Variants in DMD observed in about 807,000 individuals in gnomAD.
DMD encodes mutant dystrophin.
In DMD, 63 loss-of-function variants were observed where a neutral mutation model predicts 330.1. That is an observed-to-expected ratio of 0.19 (90% CI 0.16 to 0.24). DMD has a LOEUF of 0.24. Among genes scored for constraint, DMD ranks in the 10% least tolerant of loss-of-function variants. DMD has a pLI of 1.00. For missense variants in DMD, 3,344 were observed against 2,684.1 expected (o/e 1.25, Z -5.43); for synonymous variants, 1,223 against 959.8 (o/e 1.27, Z -5.07).
At chrX:32,359,580 C>A (rs906675642) in intron 37 of DMD, among the ~76,000 whole-genome samples, 2 of 111,283 alleles carry the variant, frequency 1.8e-5, no homozygotes, top group African/African-American at 6.5e-5. Context: ...CAAAGGCTAC[C>A]CCCTAAAACC....
intron 59 of DMD, among the ~76,000 whole-genome samples, chrX:31,455,217 T>C (rs1399985076): frequency 9.1e-6 from 1 of 110,325 alleles, no homozygotes; most frequent in African/African-American, 3.3e-5. Flanking sequence ...CTTTTAAAGA[T>C]AGCCTATTCC....
At chrX:32,147,761 T>A (rs977923109) in intron 44 of DMD, among the ~76,000 whole-genome samples, 1 of 111,062 alleles carries the variant, frequency 9.0e-6, no homozygotes, top group African/African-American at 3.3e-5. Flanking sequence ...GATTTTCTAG[T>A]ATGCTTAGGT....
At chrX:32,409,595 A>G (rs953183683) in intron 30 of DMD, among the ~76,000 whole-genome samples, 5 of 111,790 alleles carry the variant, frequency 4.5e-5, no homozygotes, top group Non-Finnish European at 9.4e-5. Context: ...ACAATAGTAT[A>G]ATAGCTTTGC....
intron 43 of DMD, among the ~76,000 whole-genome samples, chrX:32,279,173 G>C (rs888078654): frequency 3.6e-5 from 4 of 111,571 alleles, no homozygotes; most frequent in Non-Finnish European, 7.5e-5. Flanking sequence ...AAATGCTGGA[G>C]AGAGTGTGAA....
intron 7 of DMD, among the ~76,000 whole-genome samples, chrX:32,799,092 C>T (rs1342203804): frequency 9.0e-6 from 1 of 111,043 alleles, no homozygotes; most frequent in African/African-American, 3.3e-5. Context: ...GGTTAAAATC[C>T]TGCATGCATA....
At chrX:33,229,294 T>A (rs913155287) in intron 1 of DMD, among the ~76,000 whole-genome samples, 2 of 111,571 alleles carry the variant, frequency 1.8e-5, no homozygotes, top group African/African-American at 6.5e-5. Context: ...GTCACAAAAT[T>A]TTCTCCCATA....
chrX:32,359,406 T>C (rs1217582738), intron 37 of DMD, among the ~76,000 whole-genome samples: 4 of 112,107 alleles, frequency 3.6e-5, no homozygotes, highest in Non-Finnish European at 7.5e-5. Context: ...GTCTATGACC[T>C]ACCCGTGTTC....
intron 62 of DMD, among the ~76,000 whole-genome samples, chrX:31,294,530 C>A (rs1347342013): frequency 8.9e-6 from 1 of 112,267 alleles, no homozygotes; most frequent in African/African-American, 3.2e-5. Context: ...TTCCATTTTC[C>A]TATCTGTAAG....
chrX:31,728,141 G>A (rs1352592906), intron 52 of DMD, among the ~76,000 whole-genome samples: 1 of 111,974 alleles, frequency 8.9e-6, no homozygotes, highest in Non-Finnish European at 1.9e-5. Context: ...TCCTGCCTCA[G>A]CCTCCCAAGT....
chrX:33,118,115 T>TTA, intron 1 of DMD, among the ~76,000 whole-genome samples: 1 of 105,238 alleles, frequency 9.5e-6, no homozygotes, highest in African/African-American at 3.5e-5. Flanking sequence ...CAAGACTCTT[T>TTA]TTTTTTTTTT....
intron 60 of DMD, among the ~76,000 whole-genome samples, chrX:31,360,202 G>A (rs1424269299): frequency 9.0e-6 from 1 of 111,485 alleles, no homozygotes; most frequent in Non-Finnish European, 1.9e-5. Context: ...ACTTCATTTA[G>A]TTGTTCATGG....
intron 62 of DMD, among the ~76,000 whole-genome samples, chrX:31,309,461 G>A (rs2055305169): frequency 8.9e-6 from 1 of 112,113 alleles, no homozygotes; most frequent in South Asian, 3.7e-4. Context: ...CTTGGGACAA[G>A]ATGTTAAGGA....
intron 44 of DMD, among the ~76,000 whole-genome samples, chrX:32,115,123 C>T (rs146532983): frequency 0.022 from 2,450 of 111,639 alleles, 26 homozygotes; most frequent in Non-Finnish European, 0.033. Flanking sequence ...TTTCTTCCTC[C>T]TGTTTTGAAA....
intron 13 of DMD, among the ~76,000 whole-genome samples, chrX:32,581,691 A>T (rs1385629784): frequency 8.9e-6 from 1 of 111,824 alleles, no homozygotes; most frequent in Non-Finnish European, 1.9e-5. Flanking sequence ...CCATTTGCAA[A>T]TTCCAGTTAT....
chrX:32,796,519 A>C, intron 7 of DMD, among the ~76,000 whole-genome samples: 1 of 111,548 alleles, frequency 9.0e-6, no homozygotes, highest in East Asian at 2.8e-4. Flanking sequence ...GTTGGAAGGT[A>C]TATATTCTAA....
At chrX:32,256,312 G>GTTT (rs34367828) in intron 43 of DMD, among the ~76,000 whole-genome samples, 2 of 102,440 alleles carry the variant, frequency 2.0e-5, no homozygotes, top group African/African-American at 7.2e-5. Context: ...TGTAACCCCT[G>GTTT]TTTTTTTTTT....
At chrX:32,607,083 A>C (rs2056784686) in intron 12 of DMD, among the ~76,000 whole-genome samples, 1 of 109,794 alleles carries the variant, frequency 9.1e-6, no homozygotes, top group African/African-American at 3.3e-5. Flanking sequence ...CCCAGACTCC[A>C]CCACTACACG....
At chrX:32,692,225 C>T (rs1392218934) in intron 9 of DMD, among the ~76,000 whole-genome samples, 1 of 112,083 alleles carries the variant, frequency 8.9e-6, no homozygotes, top group Non-Finnish European at 1.9e-5. Flanking sequence ...AAAATAACAT[C>T]ATCACATATA....
At chrX:31,215,148 A>G (rs1441918655) in intron 64 of DMD, among the ~76,000 whole-genome samples, 2 of 107,845 alleles carry the variant, frequency 1.9e-5, no homozygotes, top group Admixed American at 9.9e-5. Context: ...TCACCGTGTT[A>G]GCCAGGATGG....
Sources: gnomAD v4.1 joint callset for allele counts (sites outside exome capture counted in the v4.1 genomes callset) on GRCh38, gnomAD v4.1.1 for gene constraint, MANE v1.5 for transcripts, NCBI Gene and HGNC (gene_info 2026-07-23, HGNC 2026-07-21) for gene names.